Variants in MSL2 observed in about 807,000 individuals in gnomAD.
MSL2 encodes E3 ubiquitin-protein ligase MSL2.
In MSL2, 2 loss-of-function variants were observed where a neutral mutation model predicts 35.8. The ratio of observed to expected loss-of-function variants is 0.06; its 90% CI spans 0.02 to 0.18. The LOEUF (loss-of-function observed/expected upper bound fraction) is 0.18, where lower values mean the gene tolerates loss of function less well. MSL2 is among the 10% of genes least tolerant of loss of function. MSL2 has a pLI of 1.00. For missense variants in MSL2, 523 were observed against 706.7 expected, an observed-to-expected ratio of 0.74 and a Z score of 2.95; for synonymous variants, 296 against 255.7, an observed-to-expected ratio of 1.16 and a Z score of -1.50.
chr3:136,183,363 C>T (rs919738531), intron 1 of MSL2, among the ~76,000 whole-genome samples: 3 of 152,114 alleles, frequency 2.0e-5, no homozygotes, highest in African/African-American at 7.2e-5. Context: ...GAGTTCAAGA[C>T]CAGTCTGGGA....
chr3:136,189,135 A>AAAAC lies in MSL2; in HGVS notation c.142+5836_142+5837insGTTT, dbSNP rs746820441. 1.1e-3 allele frequency among the ~76,000 whole-genome samples: 131 copies of AAAAC among 121,628 alleles called. 7 individuals carry two copies. The highest frequency in any genetic ancestry group is 2.8e-3 in the African/African-American group (71 of 25,282). 79.8% of individuals were successfully genotyped at this position (121,628 alleles called of 152,430 possible). Reference sequence around the variant, plus strand: ...AAAAAAAAAAAAAAAAAAAAAAAAAAACACACACACAAAAATAAGGCGAGC... The same window carrying AAAAC: ...AAAAAAAAAAAAAAAAAAAAAAAAAAAAACACACACACACAAAAATAAGGCGAGC... On this transcript the variant is annotated intron_variant, in intron 1 of 1. Coordinates refer to ENST00000309993, the MANE Select transcript of MSL2 (RefSeq NM_018133.4).
Position 136,195,726 on chromosome 3 carries a change from C to A in MSL2, c.-613G>T. 1.1e-5 allele frequency: 11 copies of A among 985,178 alleles called. No individual in the cohort carries two copies. The highest frequency in any genetic ancestry group is 1.3e-5 in the Non-Finnish European group (11 of 829,862). 61.0% of individuals were successfully genotyped at this position (985,178 alleles called of 1,614,324 possible). On this transcript the variant is annotated 5_prime_UTR_variant, in exon 1 of 2. Coordinates refer to ENST00000309993, the MANE Select transcript of MSL2 (RefSeq NM_018133.4). ...GACGCCGCCGCCGCGCTCTCCATAT[C>A]GGACGCGGGGCCCAGACTGCGCCCT...
chr3:136,151,784 A>G lies in MSL2; in HGVS notation c.1097T>C (p.Leu366Pro), dbSNP rs1036364849. 1.2e-6 allele frequency: 2 copies of G among 1,614,050 alleles called. No individual in the cohort carries two copies. Among genetic ancestry groups the G allele is most frequent in the Non-Finnish European group, 1.7e-6 (2 of 1,180,052 alleles). Reference protein sequence around the residue: ...PISTIIRGPTLGASAPVTVKR... With the variant: ...PISTIIRGPTPGASAPVTVKR... ...CACTGTCACAGGAGCAGATGCCCCC[A>G]GTGTTGGGCCTCGGATAATGGTAGA... Residue 366 changes from leucine to proline, a missense_variant, in exon 2 of 2, where the codon CTG becomes CCG. Coordinates refer to ENST00000309993, the MANE Select transcript of MSL2 (RefSeq NM_018133.4). The surrounding 1 kb of genome is among the most constrained non-coding windows in gnomAD (Gnocchi z 5.2).
intron 1 of MSL2, among the ~76,000 whole-genome samples, chr3:136,169,212 T>TTG (rs150831369): frequency 2.3e-5 from 2 of 87,656 alleles, no homozygotes; most frequent in Non-Finnish European, 4.7e-5. Flanking sequence ...ATGGCTTGTT[T>TTG]TTGTTGTTGT....
chr3:136,152,587 G>A lies in MSL2; in HGVS notation c.294C>T (p.Ile98=), dbSNP rs146274906. The change falls in exon 2 of 2, where the codon ATC becomes ATT. Residue 98 remains isoleucine, a synonymous_variant. Coordinates refer to ENST00000309993, the MANE Select transcript of MSL2 (RefSeq NM_018133.4). ...EQFEENKQLS[I]LVNCYKKLCE... ...ATAGTTTTTTGTAGCAGTTCACTAG[G>A]ATGCTTAACTGCTTGTTTTCCTCAA... is the stretch of plus-strand genomic sequence containing the variant. 2.2e-5 allele frequency: 35 copies of A among 1,614,138 alleles called. No individual in the cohort carries two copies. The African/African-American group carries it at 4.1e-4, about 19-fold the overall frequency.
Position 136,149,362 on chromosome 3 carries a change from C to T in MSL2, c.*1785G>A, listed in dbSNP as rs1983070. The stretch of plus-strand genomic sequence containing the variant: ...CTGTTACAAACGTTAGGTAAATACA[C>T]GTTTCATAAGACACTGCTAACACTT... On this transcript the variant is annotated 3_prime_UTR_variant, in exon 2 of 2. Transcript: ENST00000309993. 1 allele frequency: 152,582 copies of T among 152,616 alleles called. 76,274 individuals carry two copies. Among genetic ancestry groups the T allele is most frequent in the Middle Eastern group, 1 (294 of 294 alleles). The allele number at this position is 152,616 out of a possible 1,614,324, so 9.5% of individuals were successfully genotyped here.
chr3:136,195,286 C>G lies in MSL2; in HGVS notation c.-173G>C. 3.5e-6 allele frequency: 5 copies of G among 1,428,520 alleles called. No individual in the cohort carries two copies. Among genetic ancestry groups the G allele is most frequent in the East Asian group, 5.2e-5 (2 of 38,396 alleles). 88.5% of individuals were successfully genotyped at this position (1,428,520 alleles called of 1,614,324 possible). On this transcript the variant is annotated 5_prime_UTR_variant, in exon 1 of 2. Transcript: ENST00000309993. Reference sequence around the variant, plus strand: ...AAGTTTGTGGAGCTGAAACAATCCTCCCACACATGGGGCCTTGGCGCCCCT... The same window carrying G: ...AAGTTTGTGGAGCTGAAACAATCCTGCCACACATGGGGCCTTGGCGCCCCT...
At chr3:136,192,601 G>C (rs1213666762) in intron 1 of MSL2, among the ~76,000 whole-genome samples, 2 of 151,558 alleles carry the variant, frequency 1.3e-5, no homozygotes, top group South Asian at 2.1e-4. Flanking sequence ...AAAAGAAAAA[G>C]ATATAAAAAA....
At chr3:136,189,135 A>AAAAAAAACAC (rs746820441) in intron 1 of MSL2, among the ~76,000 whole-genome samples, 2 of 121,650 alleles carry the variant, frequency 1.6e-5, no homozygotes, top group African/African-American at 7.9e-5. Flanking sequence ...AAAAAAAAAA[A>AAAAAAAACAC]ACACACACAC....
intron 1 of MSL2, among the ~76,000 whole-genome samples, chr3:136,191,284 T>G (rs886147360): frequency 1.3e-5 from 2 of 151,640 alleles, no homozygotes; most frequent in African/African-American, 4.9e-5. Flanking sequence ...CTGGCCAACA[T>G]GGTGAAACCC....
chr3:136,182,307 G>A (rs1454326070), intron 1 of MSL2, among the ~76,000 whole-genome samples: 2 of 152,106 alleles, frequency 1.3e-5, no homozygotes, highest in African/African-American at 4.8e-5. Context: ...ATAAAATGTA[G>A]GTTTAGAATG....
chr3:136,171,572 G>C (rs1940025981), intron 1 of MSL2, among the ~76,000 whole-genome samples: 1 of 152,096 alleles, frequency 6.6e-6, no homozygotes. Context: ...CCTTAAGTGG[G>C]GATTTGGGTA....
chr3:136,159,622 G>A lies in MSL2; in HGVS notation c.143-6884C>T, dbSNP rs566051785. Among the ~76,000 whole-genome samples the A allele has an allele frequency of 3.2e-3, 481 of 150,596 alleles. 2 individuals carry two copies. Among genetic ancestry groups the A allele is most frequent in the Admixed American group, 5.4e-3 (82 of 15,100 alleles). ...CCTGGCCTCGTGATCCGCCCGCCTCGGCCTCCCAAAGTGCTGCGATTACAG... is the reference window on the plus strand; with the variant it reads ...CCTGGCCTCGTGATCCGCCCGCCTCAGCCTCCCAAAGTGCTGCGATTACAG... On this transcript the variant is annotated intron_variant, in intron 1 of 1. Coordinates refer to ENST00000309993, the MANE Select transcript of MSL2 (RefSeq NM_018133.4).
At chr3:136,164,070 GT>G in intron 1 of MSL2, among the ~76,000 whole-genome samples, 1 of 152,300 alleles carries the variant, frequency 6.6e-6, no homozygotes, top group South Asian at 2.1e-4. Flanking sequence ...TCAAATCTGA[GT>G]TCATTTTTTT....
Position 136,150,793 on chromosome 3 carries a change from A to G in MSL2, c.*354T>C, listed in dbSNP as rs1185658664. The G allele has an allele frequency of 4.8e-6, 1 of 209,798 alleles. No individual in the cohort carries two copies. Among genetic ancestry groups the G allele is most frequent in the Admixed American group, 5.1e-5 (1 of 19,534 alleles). 13.0% of individuals were successfully genotyped at this position (209,798 alleles called of 1,614,324 possible). A position where few individuals can be genotyped will look rare whatever the true frequency, so the allele number is the denominator to read the frequency against. On this transcript the variant is annotated 3_prime_UTR_variant, in exon 2 of 2. Coordinates refer to ENST00000309993, the MANE Select transcript of MSL2 (RefSeq NM_018133.4). ...TTAGCACAATCTTTATGGACTGACT[A>G]GATACCACTTCCTTACATTTAATCA...
At chr3:136,181,020 G>GCA (rs1940342413) in intron 1 of MSL2, among the ~76,000 whole-genome samples, 3 of 151,828 alleles carry the variant, frequency 2.0e-5, no homozygotes, top group Middle Eastern at 6.8e-3. Flanking sequence ...AGGCATGGTG[G>GCA]CACATGCCTG....
chr3:136,152,504 G>C lies in MSL2; in HGVS notation c.377C>G (p.Ser126Cys), dbSNP rs200310254. Residue 126 changes from serine to cysteine, a missense_variant, in exon 2 of 2, where the codon TCT becomes TGT. Ser to Cys is a moderately radical substitution (Grantham distance 112, BLOSUM62 -1). Coordinates refer to ENST00000309993, the MANE Select transcript of MSL2 (RefSeq NM_018133.4). ...ATTAAGCAAAGCCAAAATATCAGAAGAACAGTCAACTGCTTCTATTATATC... is the reference window on the plus strand; with the variant it reads ...ATTAAGCAAAGCCAAAATATCAGAACAACAGTCAACTGCTTCTATTATATC... The part of the protein sequence containing the change: ...ARDIIEAVDC[S>C]SDILALLNDG... 1.2e-6 allele frequency: 2 copies of C among 1,614,182 alleles called. No individual in the cohort carries two copies. The highest frequency in any genetic ancestry group is 1.7e-6 in the Non-Finnish European group (2 of 1,180,024).
At chr3:136,191,191 G>C (rs1423488936) in intron 1 of MSL2, among the ~76,000 whole-genome samples, 1 of 152,108 alleles carries the variant, frequency 6.6e-6, no homozygotes, top group Non-Finnish European at 1.5e-5. Flanking sequence ...TTTTCAGGCT[G>C]AGCACGGTGG....
intron 1 of MSL2, among the ~76,000 whole-genome samples, chr3:136,187,804 G>C (rs1439585863): frequency 1.3e-5 from 2 of 151,960 alleles, no homozygotes; most frequent in African/African-American, 4.8e-5. Flanking sequence ...TCCCAATCAA[G>C]ATAGGCAGTT....
Sources: allele counts gnomAD v4.1 joint callset (sites outside exome capture counted in the v4.1 genomes callset), GRCh38; gene constraint gnomAD v4.1.1; non-coding constraint Gnocchi (gnomAD v3.1); transcripts MANE v1.5; gene names NCBI Gene and HGNC (gene_info 2026-07-23, HGNC 2026-07-21).